The following ZNF397 variants were observed in gnomAD, a reference collection of about 807,000 sequenced individuals.
ZNF397 encodes zinc finger and SCAN domain-containing protein 15.
A neutral mutation model predicts 50.6 loss-of-function variants in ZNF397; 38 were observed. That is an observed-to-expected ratio of 0.75 (90% CI 0.58 to 0.98). ZNF397 has a LOEUF of 0.98. Ranked by LOEUF, ZNF397 falls within the 50% of genes least tolerant of loss-of-function variation. The pLI is 0.00. For synonymous variants in ZNF397, 228 were observed against 215.2 expected, an observed-to-expected ratio of 1.06 and a Z score of -0.52; for missense variants, 624 against 624.1, an observed-to-expected ratio of 1.00 and a Z score of 0.00.
In ZNF397 at chr18:35,245,327, C is replaced by T. The variant is rs1449110608; in HGVS notation, c.622C>T (p.Gln208Ter). ...AGAAGAAAAATCACAGGGACTCCCT[C>T]AGGAACCTTCATTTCGAGGAATTAG... ...ISEEKSQGLP[Q>*]EPSFRGISEH... Residue 208 changes from glutamine (Q) to a stop codon, truncating the protein, a stop_gained, in exon 4 of 4, where the codon CAG (glutamine) becomes TAG (stop). Coordinates refer to ENST00000330501, the MANE Select transcript of ZNF397 (RefSeq NM_001135178.3). LOFTEE classifies it high-confidence loss of function. 3 of 1,613,244 alleles carry T rather than the reference C, an allele frequency of 1.9e-6. No homozygotes were observed. Among genetic ancestry groups the T allele is most frequent in the Non-Finnish European group, 2.5e-6 (3 of 1,179,528 alleles).
In ZNF397 at chr18:35,249,307, G is replaced by T. The variant is rs530923550; in HGVS notation, c.*2997G>T. 1 of 152,226 alleles carries T rather than the reference G, an allele frequency of 6.6e-6. No individual in the cohort carries two copies. The highest frequency in any genetic ancestry group is 2.1e-4 in the South Asian group (1 of 4,818). The allele number at this position is 152,226 out of a possible 1,614,324, so 9.4% of individuals were successfully genotyped here. A position where few individuals can be genotyped will look rare whatever the true frequency, so the allele number is the denominator to read the frequency against. On this transcript the variant is annotated 3_prime_UTR_variant, in exon 4 of 4. Transcript: ENST00000330501. The stretch of plus-strand genomic sequence containing the variant: ...TGACTTTGAAATTGTACCTGGAAAT[G>T]TATGTTTCAGTAACCATCATGAATG...
At position 35,256,855 on chromosome 18, in the gene ZNF397, C is replaced by A. The variant is rs115792227; in HGVS notation, c.818-1073C>A. Among the ~76,000 whole-genome samples, 955 of 152,268 alleles carry A rather than the reference C, an allele frequency of 6.3e-3. 12 individuals carry two copies. Among genetic ancestry groups the A allele is most frequent in the African/African-American group, 0.022 (900 of 41,542 alleles). On this transcript the variant is annotated intron_variant, in intron 5 of 5. Coordinates refer to the ZNF397 transcript ENST00000261333. ...GTGGTACAATTATCAGCCACTGCAGCCTTGAAATCCTGGACTCAAGGGATC... is the reference window on the plus strand; with the variant it reads ...GTGGTACAATTATCAGCCACTGCAGACTTGAAATCCTGGACTCAAGGGATC...
intron 3 of ZNF397, among the ~76,000 whole-genome samples, chr18:35,245,037 T>C (rs1224768963): frequency 6.6e-6 from 1 of 152,142 alleles, no homozygotes; most frequent in Non-Finnish European, 1.5e-5. Flanking sequence ...TTGTAGGTAA[T>C]TTATCAGTTG....
chr18:35,254,136 G>T, downstream of ZNF397: 1 of 1,614,118 alleles, frequency 6.2e-7, no homozygotes, highest in Non-Finnish European at 8.5e-7. Flanking sequence ...TGTTCTGTGG[G>T]GATTCTTCTG....
downstream of ZNF397, chr18:35,253,435 C>CGTAA: frequency 6.5e-7 from 1 of 1,544,890 alleles, no homozygotes; most frequent in Non-Finnish European, 8.7e-7. Context: ...AATTGTACAA[C>CGTAA]TCTTACCCAC....
chr18:35,245,214 G>C (rs948523029), intron 3 of ZNF397, 48 bp from the exon 4 acceptor site: 1 of 1,499,826 alleles, frequency 6.7e-7, no homozygotes, highest in Admixed American at 2.3e-5. Context: ...AGTTTTGACG[G>C]TGACAAGAGA....
In ZNF397 at chr18:35,247,618, A is replaced by G. The variant is rs1241155012; in HGVS notation, c.*1308A>G. 2.0e-5 allele frequency: 3 copies of G among 146,586 alleles called. No homozygotes were observed. The highest frequency in any genetic ancestry group is 5.1e-5 in the African/African-American group (2 of 39,162). 9.1% of individuals were successfully genotyped at this position (146,586 alleles called of 1,614,324 possible). A position where few individuals can be genotyped will look rare whatever the true frequency, so the allele number is the denominator to read the frequency against. On this transcript the variant is annotated 3_prime_UTR_variant, in exon 4 of 4. Coordinates refer to ENST00000330501, the MANE Select transcript of ZNF397 (RefSeq NM_001135178.3). ...GTGACATTCTTTGGGCACCTCGCAC[A>G]TGTTCAGTTTTGTCTTATGTCACCA... is the stretch of plus-strand genomic sequence containing the variant.
downstream of ZNF397, chr18:35,254,733 G>A: frequency 9.2e-6 from 3 of 325,110 alleles, no homozygotes; most frequent in Non-Finnish European, 1.2e-5. Flanking sequence ...AGATAATCAG[G>A]AAAAAAAAGT....
At chr18:35,251,653 G>A (rs1362011507), downstream of ZNF397, 2 of 152,096 alleles carry the variant, frequency 1.3e-5, no homozygotes, top group Non-Finnish European at 2.9e-5. Context: ...ATGAGATTTG[G>A]CTGATTGATA....
chr18:35,249,446 G>C lies in ZNF397; in HGVS notation c.*3136G>C, dbSNP rs2043535339. ...GCGGGTGGATCACCTGAGATCAGGA[G>C]TTCGAGACCAGCCTGACCAATATGG... On this transcript the variant is annotated 3_prime_UTR_variant, in exon 4 of 4. Transcript: ENST00000330501. The C allele has an allele frequency of 6.6e-6, 1 of 152,140 alleles. No individual in the cohort carries two copies. Among genetic ancestry groups the C allele is most frequent in the Non-Finnish European group, 1.5e-5 (1 of 68,082 alleles). The allele number at this position is 152,140 out of a possible 1,614,324, so 9.4% of individuals were successfully genotyped here.
downstream of ZNF397, among the ~76,000 whole-genome samples, chr18:35,250,885 A>G (rs2043569018): frequency 1.3e-5 from 2 of 152,196 alleles, no homozygotes; most frequent in African/African-American, 4.8e-5. Flanking sequence ...CACTTTGGTT[A>G]ACTGCAGCCC....
At chr18:35,254,300 G>A (rs767327191), downstream of ZNF397, 112 of 1,613,922 alleles carry the variant, frequency 6.9e-5, no homozygotes, top group Non-Finnish European at 8.6e-5. Context: ...AAGTTTTCCC[G>A]GCGATATCAT....
At position 35,245,573 on chromosome 18, in the gene ZNF397, T is replaced by A. The variant is rs1062236; in HGVS notation, c.868T>A (p.Cys290Ser). 6.4e-7 allele frequency: 1 copy of A among 1,552,716 alleles called. No individual in the cohort carries two copies. Among genetic ancestry groups the A allele is most frequent in the Admixed American group, 2.0e-5 (1 of 51,036 alleles). Residue 290 changes from cysteine (C) to serine (S), a missense_variant, in exon 4 of 4, where the codon TGT becomes AGT. Transcript: ENST00000330501. Reference protein sequence around the residue: ...PEERPYRCDVCGHSFKQHSSL... With the variant: ...PEERPYRCDVSGHSFKQHSSL... Reference sequence around the variant, plus strand: ...AGAGAGACCTTATAGATGTGATGTATGTGGGCACAGCTTCAAGCAGCATTC... The same window carrying A: ...AGAGAGACCTTATAGATGTGATGTAAGTGGGCACAGCTTCAAGCAGCATTC...
At position 35,242,553 on chromosome 18, in the gene ZNF397, A is replaced by G. The variant is rs747724083; in HGVS notation, c.83A>G (p.Asp28Gly). 7 of 1,614,110 alleles carry G rather than the reference A, an allele frequency of 4.3e-6. No homozygotes were observed. The highest frequency in any genetic ancestry group is 1.3e-5 in the African/African-American group (1 of 74,942). ...EQELILVKVE[D>G]NFSWDEKFKQ... ...GAACTAATACTAGTGAAAGTAGAAG[A>G]TAACTTTTCCTGGGATGAGAAATTT... The change falls in exon 2 of 4, where the codon GAT becomes GGT. Residue 28 changes from aspartate (D) to glycine (G), a missense_variant. Physicochemically the swap from Asp to Gly is moderately conservative, Grantham distance 94. Transcript: ENST00000330501.
At chr18:35,256,726 G>C (rs1180851935) in intron 5 of ZNF397, among the ~76,000 whole-genome samples, 2 of 152,040 alleles carry the variant, frequency 1.3e-5, no homozygotes, top group Non-Finnish European at 2.9e-5. Flanking sequence ...GAGAAATAAG[G>C]CACAGGTATC....
chr18:35,242,660 C>T lies in ZNF397; in HGVS notation c.190C>T (p.Pro64Ser), dbSNP rs1222977845. The T allele has an allele frequency of 6.2e-7, 1 of 1,614,204 alleles. No homozygotes were observed. The highest frequency in any genetic ancestry group is 8.5e-7 in the Non-Finnish European group (1 of 1,180,044). ...RKFCYQETPG[P>S]REALSRLQEL... The stretch of plus-strand genomic sequence containing the variant: ...ATTTTGCTACCAGGAGACACCTGGG[C>T]CCCGGGAGGCTCTGAGCCGACTCCA... Residue 64 changes from proline (P) to serine (S), a missense_variant, in exon 2 of 4, where the codon CCC becomes TCC. By Grantham distance (74) the Pro-to-Ser change is moderately conservative. Coordinates refer to ENST00000330501, the MANE Select transcript of ZNF397 (RefSeq NM_001135178.3).
exon 6 of ZNF397, chr18:35,257,987 G>A (rs368832179): frequency 2.4e-5 from 19 of 780,748 alleles, no homozygotes; most frequent in African/African-American, 1.0e-4. Flanking sequence ...CATCTCAGGC[G>A]CTACTTCTGG....
At chr18:35,250,825 GCT>G (rs1425679936), downstream of ZNF397, among the ~76,000 whole-genome samples, 1 of 152,148 alleles carries the variant, frequency 6.6e-6, no homozygotes, top group Non-Finnish European at 1.5e-5. Context: ...GCTCCTTCTT[GCT>G]CTCATTCCCA....
rs764587019 is a variant in ZNF397, at chr18:35,246,117, A to C, written c.1412A>C (p.His471Pro). The C allele has an allele frequency of 6.4e-7, 1 of 1,551,830 alleles. No individual in the cohort carries two copies. Among genetic ancestry groups the C allele is most frequent in the Non-Finnish European group, 8.7e-7 (1 of 1,146,956 alleles). Residue 471 changes from histidine to proline, a missense_variant, in exon 4 of 4, where the codon CAT becomes CCT. Physicochemically the swap from His to Pro is moderately conservative, Grantham distance 77 (BLOSUM62 -2). Transcript: ENST00000330501. ...AFSLSSNLIR[H>P]QRIHSGEEPY... is the part of the protein sequence containing the mutation. ...AGTTTGAGCTCAAACCTTATCAGAC[A>C]TCAGAGAATTCATAGTGGGGAGGAA...
Sources: allele counts gnomAD v4.1 joint callset (sites outside exome capture counted in the v4.1 genomes callset), GRCh38; gene constraint gnomAD v4.1.1; transcripts MANE v1.5; gene names NCBI Gene and HGNC (gene_info 2026-07-23, HGNC 2026-07-21).